SERPINA9: variants seen among roughly 807,000 people sequenced by gnomAD.
SERPINA9 encodes the protein serpin A9.
In SERPINA9, 32 loss-of-function variants were observed where a neutral mutation model predicts 24.5. The ratio of observed to expected loss-of-function variants is 1.30; its 90% CI spans 0.98 to 1.75. The LOEUF is 1.75. Among genes scored for constraint, SERPINA9 ranks in the 40% most tolerant of loss-of-function variants. The pLI is 0.00. For synonymous variants in SERPINA9, 233 were observed against 197.7 expected (o/e 1.18, Z -1.50); for missense variants, 594 against 497.1 (o/e 1.19, Z -1.85).
intron 1 of SERPINA9, among the ~76,000 whole-genome samples, chr14:94,472,426 C>T (rs1057337895): frequency 6.6e-6 from 1 of 152,222 alleles, no homozygotes; most frequent in African/African-American, 2.4e-5. Flanking sequence ...ATCACTCTCT[C>T]CCTTCTCTCT....
At chr14:94,465,771 C>T (rs940338916) in intron 3 of SERPINA9, among the ~76,000 whole-genome samples, 11 of 152,154 alleles carry the variant, frequency 7.2e-5, no homozygotes, top group African/African-American at 2.4e-4. Context: ...TCAGGCAATC[C>T]ACCCGCCTCG....
At chr14:94,475,741 T>A (rs1275595626) in intron 1 of SERPINA9, among the ~76,000 whole-genome samples, 1 of 152,194 alleles carries the variant, frequency 6.6e-6, no homozygotes, top group Non-Finnish European at 1.5e-5. Context: ...AAGCTGATCC[T>A]TGCTGTTAGT....
At chr14:94,475,618 A>G (rs1899573846) in intron 1 of SERPINA9, among the ~76,000 whole-genome samples, 1 of 152,272 alleles carries the variant, frequency 6.6e-6, no homozygotes, top group Admixed American at 6.5e-5. Flanking sequence ...AATAAAGCAG[A>G]GGATCGGCCC....
intron 1 of SERPINA9, among the ~76,000 whole-genome samples, chr14:94,470,766 G>T (rs1899276598): frequency 6.6e-6 from 1 of 152,196 alleles, no homozygotes; most frequent in South Asian, 2.1e-4. Flanking sequence ...GTTGAAGTCA[G>T]AGAGAATTTG....
intron 2 of SERPINA9, among the ~76,000 whole-genome samples, chr14:94,468,689 C>T (rs1899138413): frequency 6.6e-6 from 1 of 152,168 alleles, no homozygotes; most frequent in African/African-American, 2.4e-5. Flanking sequence ...AAAGCTCTAA[C>T]ATATATCTAC....
chr14:94,468,967 G>A (rs1191433636), intron 2 of SERPINA9, among the ~76,000 whole-genome samples: 1 of 152,144 alleles, frequency 6.6e-6, no homozygotes, highest in Non-Finnish European at 1.5e-5. Flanking sequence ...TGAGTCAAAT[G>A]TAAACACACC....
rs768085902 is a variant in SERPINA9, at chr14:94,464,825, G to A, written c.932C>T (p.Ser311Phe). Residue 311 changes from serine to phenylalanine, a missense_variant, in exon 4 of 5, where the codon TCC (serine) becomes TTC (phenylalanine). Ser to Phe is a radical substitution (Grantham distance 155, BLOSUM62 -2). Coordinates refer to ENST00000674397, the MANE Select transcript of SERPINA9 (RefSeq NM_175739.4). ...RWIEVFIPRF[S>F]ISASYNLETI... ...TTCCAGATTGTAGGAGGCAGAAATG[G>A]AAAATCTGGGGATGAACACCTCTAT... The A allele has an allele frequency of 6.2e-7, 1 of 1,613,840 alleles. No individual in the cohort carries two copies. Among genetic ancestry groups the A allele is most frequent in the Non-Finnish European group, 8.5e-7 (1 of 1,179,802 alleles).
chr14:94,475,429 CACACACAT>C (rs1899553474), intron 1 of SERPINA9, among the ~76,000 whole-genome samples: 1 of 70,448 alleles, frequency 1.4e-5, no homozygotes, highest in Non-Finnish European at 3.2e-5. Context: ...TGCACACACA[CACACACAT>C]ACACACACAC....
intron 2 of SERPINA9, among the ~76,000 whole-genome samples, chr14:94,467,640 A>C (rs1899073318): frequency 6.6e-6 from 1 of 152,220 alleles, no homozygotes; most frequent in South Asian, 2.1e-4. Context: ...ACATAAACTG[A>C]AGGTAACTTA....
Position 94,467,117 on chromosome 14 carries a change from G to A in SERPINA9, c.894C>T (p.Leu298=). 1 of 1,613,760 alleles carries A rather than the reference G, an allele frequency of 6.2e-7. No homozygotes were observed. Among genetic ancestry groups the A allele is most frequent in the Non-Finnish European group, 8.5e-7 (1 of 1,179,836 alleles). Reference sequence around the variant, plus strand: ...TTGACACAGATGCCCACCTTTTCTGGAGTGAGTGGCTCCACTTTCTCAGTG... The same window carrying A: ...TTGACACAGATGCCCACCTTTTCTGAAGTGAGTGGCTCCACTTTCTCAGTG... ...ARTLRKWSHS[L]QKRWIEVFIP... The change falls in exon 3 of 5, where the codon CTC becomes CTT. Residue 298 remains leucine, a synonymous_variant. Coordinates refer to ENST00000674397, the MANE Select transcript of SERPINA9 (RefSeq NM_175739.4).
chr14:94,464,562 C>T (rs936638491), intron 4 of SERPINA9, 145 bp downstream of exon 4: 17 of 661,106 alleles, frequency 2.6e-5, no homozygotes, highest in Admixed American at 1.2e-4. Flanking sequence ...GGCCATAGGC[C>T]GCAAGATTCG....
chr14:94,467,108 C>A lies in SERPINA9; in HGVS notation c.902+1G>T, dbSNP rs1204143864. The A allele has an allele frequency of 3.7e-6, 6 of 1,612,556 alleles. No homozygotes were observed. Among genetic ancestry groups the A allele is most frequent in the Non-Finnish European group, 4.2e-6 (5 of 1,179,096 alleles). On this transcript the variant is annotated splice_donor_variant, in intron 3 of 4. Transcript: ENST00000674397. LOFTEE classifies it high-confidence loss of function. ...CCCAGGAGATTGACACAGATGCCCACCTTTTCTGGAGTGAGTGGCTCCACT... is the reference window on the plus strand; with the variant it reads ...CCCAGGAGATTGACACAGATGCCCAACTTTTCTGGAGTGAGTGGCTCCACT...
At chr14:94,464,632 G>T in intron 4 of SERPINA9, 75 bp downstream of exon 4, 1 of 1,274,636 alleles carries the variant, frequency 7.8e-7, no homozygotes, top group Non-Finnish European at 1.1e-6. Flanking sequence ...CCTTATCAAC[G>T]AAATAAGAGC....
chr14:94,470,086 A>G, intron 1 of SERPINA9: 1 of 824,502 alleles, frequency 1.2e-6, no homozygotes, highest in Non-Finnish European at 1.6e-6. Flanking sequence ...TGTGCAACTT[A>G]CCCCAAATAG....
chr14:94,475,407 T>G (rs1323075448), intron 1 of SERPINA9, among the ~76,000 whole-genome samples: 2 of 145,698 alleles, frequency 1.4e-5, no homozygotes, highest in African/African-American at 5.2e-5. Context: ...CATATGCATG[T>G]GTGCCTACAT....
At chr14:94,473,559 C>T (rs1383787652) in intron 1 of SERPINA9, among the ~76,000 whole-genome samples, 2 of 149,226 alleles carry the variant, frequency 1.3e-5, no homozygotes, top group Admixed American at 1.3e-4. Context: ...AACAAAAAAC[C>T]AGGGAGGTGA....
At chr14:94,475,391 G>T (rs554017830) in intron 1 of SERPINA9, among the ~76,000 whole-genome samples, 1 of 151,872 alleles carries the variant, frequency 6.6e-6, no homozygotes, top group African/African-American at 2.4e-5. Context: ...TGCTACATGT[G>T]TGCTACATAT....
At chr14:94,465,380 A>T (rs555754442) in intron 3 of SERPINA9, among the ~76,000 whole-genome samples, 4 of 152,310 alleles carry the variant, frequency 2.6e-5, no homozygotes, top group African/African-American at 4.8e-5. Flanking sequence ...TAAAATGTTA[A>T]TTTTACTACA....
chr14:94,469,120 C>A lies in SERPINA9; in HGVS notation c.628+93G>T, dbSNP rs972222292. 19 of 1,169,478 alleles carry A rather than the reference C, an allele frequency of 1.6e-5. No individual in the cohort carries two copies. The Middle Eastern group carries it at 6.8e-4, about 42-fold the overall frequency. 72.4% of individuals were successfully genotyped at this position (1,169,478 alleles called of 1,614,324 possible). A position where few individuals can be genotyped will look rare whatever the true frequency, so the allele number is the denominator to read the frequency against. On this transcript the variant is annotated intron_variant, in intron 2 of 4. Coordinates refer to ENST00000674397, the MANE Select transcript of SERPINA9 (RefSeq NM_175739.4). ...CCCTCCCATTTCTCCACCCTGCAGT[C>A]TAGGGTTTGTCTGGCTTGTGTATTT...
Sources: gnomAD v4.1 joint callset for allele counts (sites outside exome capture counted in the v4.1 genomes callset) on GRCh38, gnomAD v4.1.1 for gene constraint, MANE v1.5 for transcripts, NCBI Gene and HGNC (gene_info 2026-07-23, HGNC 2026-07-21) for gene names.